MECOM: variants seen among roughly 807,000 people sequenced by gnomAD.
MECOM encodes the protein MDS1 and EVI1 complex locus, also known as histone-lysine N-methyltransferase MECOM.
MECOM carries 13 observed loss-of-function variants against 116.3 expected under a neutral mutation model. The observed-to-expected ratio is 0.11, with a 90% CI of 0.07 to 0.18. The LOEUF (loss-of-function observed/expected upper bound fraction) is 0.18, where lower values mean the gene tolerates loss of function less well. Among genes scored for constraint, MECOM ranks in the 10% least tolerant of loss-of-function variants. The pLI is 1.00. For synonymous variants in MECOM, 528 were observed against 535.2 expected (o/e 0.99, Z 0.19); for missense variants, 1,299 against 1,509.0 (o/e 0.86, Z 2.31).
chr3:169,371,274 T>A (rs967352985), intron 2 of MECOM, among the ~76,000 whole-genome samples: 5 of 151,896 alleles, frequency 3.3e-5, no homozygotes, highest in Non-Finnish European at 7.4e-5. Context: ...AGACAAATAC[T>A]GCATGATTTC....
chr3:169,662,573 C>G (rs1776435061), intron 1 of MECOM, among the ~76,000 whole-genome samples: 1 of 151,528 alleles, frequency 6.6e-6, no homozygotes, highest in African/African-American at 2.4e-5. Context: ...CTGCCCGTGC[C>G]CCCGCCCCCA....
chr3:169,223,443 T>A (rs890363705), intron 2 of MECOM, among the ~76,000 whole-genome samples: 2 of 151,794 alleles, frequency 1.3e-5, no homozygotes, highest in African/African-American at 4.8e-5. Flanking sequence ...GCTTCATCCA[T>A]GTCCCTACAA....
intron 1 of MECOM, among the ~76,000 whole-genome samples, chr3:169,607,646 T>C (rs1768758677): frequency 6.6e-6 from 1 of 152,238 alleles, no homozygotes; most frequent in Non-Finnish European, 1.5e-5. Flanking sequence ...AAAACAGCAA[T>C]GGGTCTGGTT....
rs115609535 is a variant in MECOM, at chr3:169,588,843, T to C, written c.37+74493A>G. Among the ~76,000 whole-genome samples the C allele has an allele frequency of 7.7e-3, 1,167 of 152,208 alleles. 18 individuals are homozygous for C. The highest frequency in any genetic ancestry group is 0.027 in the African/African-American group (1,120 of 41,544). ...CAAAGAAGCTGTTCTTTGATATATA[T>C]GTATGAATTGGGTTTTTTTTTAATT... On this transcript the variant is annotated intron_variant, in intron 1 of 16. Coordinates refer to ENST00000651503, the MANE Select transcript of MECOM (RefSeq NM_004991.4).
intron 2 of MECOM, among the ~76,000 whole-genome samples, chr3:169,167,919 C>T (rs7426660): frequency 0.065 from 9,725 of 149,300 alleles, 510 homozygotes; most frequent in East Asian, 0.3. Flanking sequence ...GTGTTAGTAT[C>T]CACCCAGTGA....
At chr3:169,428,578 A>G (rs1560262068) in intron 1 of MECOM, among the ~76,000 whole-genome samples, 1 of 152,190 alleles carries the variant, frequency 6.6e-6, no homozygotes, top group Non-Finnish European at 1.5e-5. Context: ...TAAGCTACTC[A>G]GTCTATGGTA....
intron 2 of MECOM, among the ~76,000 whole-genome samples, chr3:169,378,988 T>C (rs950262598): frequency 6.6e-6 from 1 of 151,948 alleles, no homozygotes; most frequent in African/African-American, 2.4e-5. Flanking sequence ...GAGGTCACAC[T>C]AGTTAATCAC....
intron 1 of MECOM, among the ~76,000 whole-genome samples, chr3:169,658,127 G>A (rs1305746316): frequency 2.6e-5 from 4 of 152,198 alleles, no homozygotes; most frequent in African/African-American, 7.2e-5. Flanking sequence ...GAAGACCGTG[G>A]CTAGTGGAGT....
intron 1 of MECOM, among the ~76,000 whole-genome samples, chr3:169,487,367 G>A (rs1424486296): frequency 6.6e-6 from 1 of 151,738 alleles, no homozygotes. Context: ...GCAGCAATTA[G>A]CATGTAAACT....
chr3:169,484,843 T>C (rs1005980929), intron 1 of MECOM, among the ~76,000 whole-genome samples: 1 of 145,618 alleles, frequency 6.9e-6, no homozygotes, highest in Non-Finnish European at 1.5e-5. Flanking sequence ...CTCTATAGCA[T>C]ACCAGCTCAG....
intron 2 of MECOM, among the ~76,000 whole-genome samples, chr3:169,314,489 T>C (rs138761962): frequency 6.6e-6 from 1 of 152,376 alleles, no homozygotes; most frequent in East Asian, 1.9e-4. Context: ...AATTAGTGTT[T>C]AATTAGTTAA....
intron 14 of MECOM, among the ~76,000 whole-genome samples, chr3:169,092,104 T>C (rs1207861776): frequency 6.6e-6 from 1 of 152,116 alleles, no homozygotes; most frequent in African/African-American, 2.4e-5. Context: ...TAACTTCATA[T>C]GCAATGTGAA....
At chr3:169,547,163 T>G (rs1326677210) in intron 1 of MECOM, among the ~76,000 whole-genome samples, 1 of 152,196 alleles carries the variant, frequency 6.6e-6, no homozygotes, top group African/African-American at 2.4e-5. Context: ...CTTGCTGTTC[T>G]CATAATAGTG....
chr3:169,101,052 T>C, intron 11 of MECOM, 90 bp from the exon 12 acceptor site: 1 of 737,118 alleles, frequency 1.4e-6, no homozygotes, highest in South Asian at 2.6e-5. Flanking sequence ...TATTCCTGAT[T>C]CAATTAATCT....
At chr3:169,519,132 C>T (rs1044826939) in intron 1 of MECOM, among the ~76,000 whole-genome samples, 11 of 152,192 alleles carry the variant, frequency 7.2e-5, no homozygotes, top group Admixed American at 6.5e-5. Context: ...GAGAATGCTT[C>T]TCTCTGTGTA....
At chr3:169,201,644 C>T in intron 2 of MECOM, among the ~76,000 whole-genome samples, 1 of 152,070 alleles carries the variant, frequency 6.6e-6, no homozygotes, top group Non-Finnish European at 1.5e-5. Flanking sequence ...TTTCACCAAT[C>T]ATTCAATATA....
intron 1 of MECOM, chr3:169,483,835 C>T (rs889652041): frequency 9.3e-6 from 15 of 1,611,562 alleles, no homozygotes; most frequent in African/African-American, 2.7e-5. Context: ...AAAGGCACCT[C>T]GGATGTCACG....
intron 1 of MECOM, among the ~76,000 whole-genome samples, chr3:169,399,287 T>C (rs577123090): frequency 3.2e-4 from 48 of 152,266 alleles, no homozygotes; most frequent in African/African-American, 1.1e-3. Context: ...AGGAGTTTCG[T>C]TTTTGAAAGC....
intron 1 of MECOM, among the ~76,000 whole-genome samples, chr3:169,478,188 G>C (rs1051312902): frequency 2.6e-5 from 4 of 152,156 alleles, no homozygotes; most frequent in Non-Finnish European, 5.9e-5. Flanking sequence ...GCTCTGGAAG[G>C]CTCTTGGATT....
Sources: allele counts gnomAD v4.1 joint callset (sites outside exome capture counted in the v4.1 genomes callset), GRCh38; gene constraint gnomAD v4.1.1; transcripts MANE v1.5; gene names NCBI Gene and HGNC (gene_info 2026-07-23, HGNC 2026-07-21).